ADCY2: variants seen among roughly 807,000 people sequenced by gnomAD.
The protein encoded by ADCY2 is adenylate cyclase type 2.
ADCY2 carries 31 observed loss-of-function variants against 125.2 expected under a neutral mutation model. The observed-to-expected ratio is 0.25, with a 90% CI of 0.19 to 0.33. The LOEUF is 0.33. ADCY2 is among the 10% of genes least tolerant of loss of function. The pLI is 1.00. For missense variants in ADCY2, 904 were observed against 1,418.2 expected (o/e 0.64, Z 5.82); for synonymous variants, 512 against 548.4 (o/e 0.93, Z 0.93).
At chr5:7,781,632 C>T (rs978913843) in intron 18 of ADCY2, among the ~76,000 whole-genome samples, 6 of 152,218 alleles carry the variant, frequency 3.9e-5, no homozygotes, top group Admixed American at 1.3e-4. Context: ...TACTGTCAGA[C>T]TTCTAGCCCC....
At chr5:7,474,625 G>C (rs1187872487) in intron 2 of ADCY2, among the ~76,000 whole-genome samples, 1 of 152,238 alleles carries the variant, frequency 6.6e-6, no homozygotes, top group Non-Finnish European at 1.5e-5. Flanking sequence ...ATGAATAAAA[G>C]GCCACTGAGC....
chr5:7,497,690 C>G (rs192569443), intron 2 of ADCY2, among the ~76,000 whole-genome samples: 1 of 151,788 alleles, frequency 6.6e-6, no homozygotes, highest in African/African-American at 2.4e-5. Flanking sequence ...CCAGCAGAGC[C>G]GGATATGGAA....
intron 15 of ADCY2, among the ~76,000 whole-genome samples, chr5:7,756,076 G>T (rs1380831555): frequency 6.6e-6 from 1 of 152,216 alleles, no homozygotes; most frequent in African/African-American, 2.4e-5. Flanking sequence ...CCACAGGCCC[G>T]TTAGTGTGAA....
chr5:7,401,597 G>A (rs778461448), intron 1 of ADCY2, among the ~76,000 whole-genome samples: 4 of 152,116 alleles, frequency 2.6e-5, no homozygotes, highest in East Asian at 1.9e-4. Context: ...ATTCACTGAC[G>A]TGCTGGCATT....
At chr5:7,662,605 C>T (rs1056952991) in intron 4 of ADCY2, among the ~76,000 whole-genome samples, 2 of 152,182 alleles carry the variant, frequency 1.3e-5, no homozygotes, top group South Asian at 4.1e-4. Flanking sequence ...TAGCATTTCA[C>T]ACAGCTTAGA....
intron 13 of ADCY2, among the ~76,000 whole-genome samples, chr5:7,724,889 G>A (rs975068024): frequency 2.6e-5 from 4 of 152,136 alleles, no homozygotes; most frequent in African/African-American, 9.7e-5. Context: ...AATGAAAGAT[G>A]TGGGAGATAT....
intron 14 of ADCY2, among the ~76,000 whole-genome samples, chr5:7,733,381 T>C (rs1742162435): frequency 6.6e-6 from 1 of 152,150 alleles, no homozygotes; most frequent in Non-Finnish European, 1.5e-5. Flanking sequence ...GGATTAGATA[T>C]AAGGAGTTGA....
intron 2 of ADCY2, among the ~76,000 whole-genome samples, chr5:7,507,231 G>A (rs1302272884): frequency 1.4e-5 from 2 of 147,140 alleles, no homozygotes; most frequent in African/African-American, 5.0e-5. Flanking sequence ...CACGAGGTCA[G>A]GAGATCGAGA....
At chr5:7,444,379 T>A (rs1741149734) in intron 2 of ADCY2, among the ~76,000 whole-genome samples, 1 of 152,050 alleles carries the variant, frequency 6.6e-6, no homozygotes, top group South Asian at 2.1e-4. Context: ...CCTCCCAAAG[T>A]GCTGTGATTA....
intron 4 of ADCY2, among the ~76,000 whole-genome samples, chr5:7,668,505 A>C (rs1739830940): frequency 6.6e-6 from 1 of 152,264 alleles, no homozygotes; most frequent in Non-Finnish European, 1.5e-5. Context: ...TAACTAATAC[A>C]CATGGGTACT....
intron 5 of ADCY2, 29 bp from the exon 6 acceptor site, chr5:7,695,723 C>T: frequency 7.2e-7 from 1 of 1,391,432 alleles, no homozygotes; most frequent in Admixed American, 2.1e-5. Flanking sequence ...CTGGAAAACT[C>T]TGTCTCCTCA....
chr5:7,603,594 C>T (rs959348602), intron 3 of ADCY2, among the ~76,000 whole-genome samples: 2 of 152,132 alleles, frequency 1.3e-5, no homozygotes, highest in African/African-American at 4.8e-5. Flanking sequence ...CATTTTGAAG[C>T]TACTGTTGAG....
At chr5:7,762,128 G>A (rs1347207942) in intron 16 of ADCY2, among the ~76,000 whole-genome samples, 1 of 152,196 alleles carries the variant, frequency 6.6e-6, no homozygotes, top group African/African-American at 2.4e-5. Context: ...AGGGGGAGAA[G>A]AAATCAGAGC....
chr5:7,461,084 T>A (rs973841209), intron 2 of ADCY2, among the ~76,000 whole-genome samples: 1 of 152,122 alleles, frequency 6.6e-6, no homozygotes, highest in Non-Finnish European at 1.5e-5. Flanking sequence ...CCCATTCCCA[T>A]CATGTTCTCA....
intron 2 of ADCY2, among the ~76,000 whole-genome samples, chr5:7,469,406 C>G (rs1055870593): frequency 1.8e-4 from 27 of 152,034 alleles, no homozygotes; most frequent in African/African-American, 6.0e-4. Context: ...ATGAATGGCT[C>G]TATCCTATTT....
At chr5:7,769,928 C>T (rs1401319592) in intron 17 of ADCY2, among the ~76,000 whole-genome samples, 1 of 152,226 alleles carries the variant, frequency 6.6e-6, no homozygotes, top group Non-Finnish European at 1.5e-5. Context: ...GAAGTCGGTT[C>T]AGTATCCTAT....
chr5:7,499,381 T>C (rs1283019373), intron 2 of ADCY2, among the ~76,000 whole-genome samples: 1 of 152,094 alleles, frequency 6.6e-6, no homozygotes, highest in Non-Finnish European at 1.5e-5. Flanking sequence ...TGAGATATTT[T>C]GTTTCTAGGT....
chr5:7,436,833 A>G (rs1323753470), intron 2 of ADCY2, among the ~76,000 whole-genome samples: 1 of 152,198 alleles, frequency 6.6e-6, no homozygotes, highest in Non-Finnish European at 1.5e-5. Flanking sequence ...GGTCTGATCC[A>G]GATAAAACCA....
At chr5:7,688,876 T>A (rs940038270) in intron 4 of ADCY2, among the ~76,000 whole-genome samples, 2 of 152,158 alleles carry the variant, frequency 1.3e-5, no homozygotes, top group African/African-American at 4.8e-5. Context: ...ACGAGTTTGA[T>A]TACCTTTAGA....
Sources: gnomAD v4.1 joint callset for allele counts (sites outside exome capture counted in the v4.1 genomes callset) on GRCh38, gnomAD v4.1.1 for gene constraint, MANE v1.5 for transcripts, NCBI Gene and HGNC (gene_info 2026-07-23, HGNC 2026-07-21) for gene names.